The following KIFAP3 variants were observed in gnomAD, a reference collection of about 807,000 sequenced individuals.
KIFAP3 encodes kinesin-associated protein 3.
KIFAP3 carries 68 observed loss-of-function variants against 106.5 expected under a neutral mutation model. The ratio of observed to expected loss-of-function variants is 0.64; its 90% CI spans 0.53 to 0.78. The LOEUF (loss-of-function observed/expected upper bound fraction) is 0.78. KIFAP3 is among the 30% of genes least tolerant of loss of function. The probability of loss-of-function intolerance (pLI) is 0.00; values close to 1 mark genes in which losing one functional copy is unlikely to be tolerated. For synonymous variants in KIFAP3, 320 were observed against 311.5 expected, an observed-to-expected ratio of 1.03 and a Z score of -0.29; for missense variants, 780 against 941.8, an observed-to-expected ratio of 0.83 and a Z score of 2.25.
intron 8 of KIFAP3, among the ~76,000 whole-genome samples, chr1:170,030,670 C>T (rs1256082982): frequency 6.6e-6 from 1 of 151,616 alleles, no homozygotes. Flanking sequence ...TTTAATTATG[C>T]TGAGTAAAAG....
chr1:169,967,316 A>AT (rs1665680127), intron 17 of KIFAP3, among the ~76,000 whole-genome samples: 2 of 151,586 alleles, frequency 1.3e-5, no homozygotes, highest in Admixed American at 6.6e-5. Context: ...TTCCTTTTTT[A>AT]TTTTTTTCCC....
At chr1:170,047,410 A>G (rs1039079415) in intron 2 of KIFAP3, among the ~76,000 whole-genome samples, 14 of 152,060 alleles carry the variant, frequency 9.2e-5, no homozygotes, top group African/African-American at 3.4e-4. Flanking sequence ...TCACGAGGTC[A>G]GGAGTTTGAG....
chr1:170,023,256 A>G (rs1571684560), intron 9 of KIFAP3, among the ~76,000 whole-genome samples: 1 of 152,234 alleles, frequency 6.6e-6, no homozygotes, highest in East Asian at 1.9e-4. Context: ...TTCAATAATT[A>G]TAATTCAAGG....
At chr1:169,974,743 T>C (rs1477615977) in intron 16 of KIFAP3, among the ~76,000 whole-genome samples, 1 of 151,914 alleles carries the variant, frequency 6.6e-6, no homozygotes, top group East Asian at 1.9e-4. Context: ...AAATTTTTAT[T>C]TAATGAATAA....
chr1:170,079,974 ATAT>A (rs1671995333), intron 1 of KIFAP3, among the ~76,000 whole-genome samples: 2 of 151,942 alleles, frequency 1.3e-5, no homozygotes, highest in African/African-American at 4.8e-5. Flanking sequence ...TTTTCAGGTG[ATAT>A]TATCAGTGGT....
chr1:170,014,195 G>A (rs1668392111), intron 10 of KIFAP3, among the ~76,000 whole-genome samples: 1 of 152,120 alleles, frequency 6.6e-6, no homozygotes, highest in East Asian at 1.9e-4. Flanking sequence ...AATTTCCCTT[G>A]AGCAGATTTC....
intron 9 of KIFAP3, among the ~76,000 whole-genome samples, chr1:170,017,229 C>T (rs1324499104): frequency 7.4e-6 from 1 of 136,044 alleles, no homozygotes; most frequent in Non-Finnish European, 1.5e-5. Flanking sequence ...TGCATTCCAG[C>T]CTGGTGGCAG....
intron 17 of KIFAP3, among the ~76,000 whole-genome samples, chr1:169,966,507 C>T (rs1571574387): frequency 6.8e-6 from 1 of 147,318 alleles, no homozygotes; most frequent in East Asian, 2.0e-4. Context: ...AGTATGAAAG[C>T]CTTAAAAGTT....
At chr1:170,010,291 ACTC>A (rs1259214003) in intron 10 of KIFAP3, among the ~76,000 whole-genome samples, 1 of 151,998 alleles carries the variant, frequency 6.6e-6, no homozygotes, top group Non-Finnish European at 1.5e-5. Flanking sequence ...GATCAAAACT[ACTC>A]AAACAATTTC....
intron 18 of KIFAP3, among the ~76,000 whole-genome samples, chr1:169,954,681 A>G (rs16862835): frequency 0.018 from 2,810 of 152,296 alleles, 71 homozygotes; most frequent in African/African-American, 0.063. Flanking sequence ...AAATCTTCAT[A>G]TAGTTTACAC....
At chr1:170,000,749 T>C (rs77900604) in intron 10 of KIFAP3, among the ~76,000 whole-genome samples, 2,782 of 152,216 alleles carry the variant, frequency 0.018, 82 homozygotes, top group African/African-American at 0.061. Context: ...TGTAACTACA[T>C]TGGATGATCT....
At chr1:169,998,332 C>G (rs1450298915) in intron 10 of KIFAP3, among the ~76,000 whole-genome samples, 1 of 150,508 alleles carries the variant, frequency 6.6e-6, no homozygotes, top group Non-Finnish European at 1.5e-5. Context: ...CATGTTTTAG[C>G]TGAACACAAC....
rs1263965327 is a variant in KIFAP3 at position 170,039,274 on chromosome 1, A to G, written c.334T>C (p.Ser112Pro). The change falls in exon 4 of 20, where the codon TCA becomes CCA. Residue 112 changes from serine to proline, a missense_variant. Physicochemically the swap from Ser to Pro is moderately conservative, Grantham distance 74 (BLOSUM62 -1). Transcript: ENST00000361580. ...GGAGGTGGATCTTTAGGCTTGCTTG[A>G]TTTTTCTTTTTTCTCTGTAAAAAGA... ...SLSGKEKKEKSSKPKDPPPFE... is the reference protein window; with the variant it reads ...SLSGKEKKEKPSKPKDPPPFE... 2 of 1,597,744 alleles carry G rather than the reference A, an allele frequency of 1.3e-6. No homozygotes were observed. Among genetic ancestry groups the G allele is most frequent in the Admixed American group, 1.7e-5 (1 of 59,280 alleles).
At chr1:169,923,162 T>C in intron 19 of KIFAP3, 1 of 800,040 alleles carries the variant, frequency 1.2e-6, no homozygotes, top group Non-Finnish European at 1.5e-6. Context: ...AATTTGTTGT[T>C]TTGGGGTCCT....
chr1:170,028,226 G>C (rs1031328756), intron 8 of KIFAP3, among the ~76,000 whole-genome samples: 1 of 152,072 alleles, frequency 6.6e-6, no homozygotes, highest in African/African-American at 2.4e-5. Context: ...AATATCAATG[G>C]AAATGGTAAC....
chr1:169,950,141 GAAAT>G (rs1296955404), intron 19 of KIFAP3, among the ~76,000 whole-genome samples: 3 of 151,880 alleles, frequency 2.0e-5, no homozygotes, highest in South Asian at 4.1e-4. Flanking sequence ...ATTTTATGAA[GAAAT>G]AAATAATTTT....
At chr1:170,022,997 T>C (rs1404187575) in intron 9 of KIFAP3, among the ~76,000 whole-genome samples, 2 of 152,134 alleles carry the variant, frequency 1.3e-5, no homozygotes, top group African/African-American at 4.8e-5. Context: ...ACCACATAAA[T>C]GGAAGAACAT....
In KIFAP3 at chr1:169,938,449, T is replaced by C. The variant is rs916978590; in HGVS notation, c.2273+15562A>G. ...TTATATATTTAATAGATGGTATGCA[T>C]TGTACATTTGAAAGGATACTGAAAT... On this transcript the variant is annotated intron_variant, in intron 19 of 19. Coordinates refer to ENST00000361580, the MANE Select transcript of KIFAP3 (RefSeq NM_014970.4). 4.6e-5 allele frequency among the ~76,000 whole-genome samples: 7 copies of C among 152,172 alleles called. No individual in the cohort carries two copies. The South Asian group carries it at 1.5e-3, about 32-fold the overall frequency.
At chr1:170,052,655 G>A (rs570670079) in intron 2 of KIFAP3, among the ~76,000 whole-genome samples, 104 of 152,246 alleles carry the variant, frequency 6.8e-4, no homozygotes, top group Middle Eastern at 3.4e-3. Context: ...CAACCAAGTC[G>A]GCTTCATCCC....
Sources: gnomAD v4.1 joint callset for allele counts (sites outside exome capture counted in the v4.1 genomes callset) on GRCh38, gnomAD v4.1.1 for gene constraint, MANE v1.5 for transcripts, NCBI Gene and HGNC (gene_info 2026-07-23, HGNC 2026-07-21) for gene names.